Variants in ADGRG6 observed in about 807,000 individuals in gnomAD.
The protein encoded by ADGRG6 is G-protein coupled receptor 126.
In ADGRG6, 84 loss-of-function variants were observed where a neutral mutation model predicts 142.4. That is an observed-to-expected ratio of 0.59 (90% CI 0.49 to 0.71). The LOEUF (loss-of-function observed/expected upper bound fraction) is 0.71, where lower values mean the gene tolerates loss of function less well. ADGRG6 is among the 30% of genes least tolerant of loss of function. The probability of loss-of-function intolerance (pLI) is 0.00; values close to 1 mark genes in which losing one functional copy is unlikely to be tolerated. For synonymous variants in ADGRG6, 521 were observed against 520.5 expected (o/e 1.00, Z -0.01); for missense variants, 1,367 against 1,466.6 (o/e 0.93, Z 1.11).
intron 14 of ADGRG6, 89 bp downstream of exon 14, chr6:142,404,062 G>T (rs1562370314): frequency 4.1e-6 from 4 of 967,962 alleles, no homozygotes; most frequent in Non-Finnish European, 6.5e-6. Flanking sequence ...CTTCCAAGAG[G>T]TCTTGGTCCA....
intron 2 of ADGRG6, among the ~76,000 whole-genome samples, chr6:142,313,459 G>T (rs564026107): frequency 9.9e-5 from 15 of 152,216 alleles, no homozygotes; most frequent in African/African-American, 3.4e-4. Flanking sequence ...CACACAGATC[G>T]TCTTAGTCAT....
At chr6:142,382,064 T>C in intron 5 of ADGRG6, 45 bp downstream of exon 5, 1 of 1,190,876 alleles carries the variant, frequency 8.4e-7, no homozygotes, top group Non-Finnish European at 1.2e-6. Context: ...GCTTTCTACT[T>C]GCAATTTTGG....
intron 2 of ADGRG6, among the ~76,000 whole-genome samples, chr6:142,345,915 AAAGTT>A (rs1779876507): frequency 6.6e-6 from 1 of 152,214 alleles, no homozygotes; most frequent in East Asian, 1.9e-4. Flanking sequence ...CAAAGAATGT[AAAGTT>A]ATTTTAAGGA....
At chr6:142,309,261 G>T (rs1048487051) in intron 1 of ADGRG6, among the ~76,000 whole-genome samples, 1 of 151,672 alleles carries the variant, frequency 6.6e-6, no homozygotes, top group Non-Finnish European at 1.5e-5. Context: ...TTTTTGAATT[G>T]TCTGACTACC....
At chr6:142,360,610 G>T (rs1048560706) in intron 2 of ADGRG6, among the ~76,000 whole-genome samples, 2 of 151,858 alleles carry the variant, frequency 1.3e-5, no homozygotes, top group Non-Finnish European at 2.9e-5. Context: ...CAAAAGTCTG[G>T]TTTTCTCTCA....
At chr6:142,304,272 G>C (rs1777373978) in intron 1 of ADGRG6, among the ~76,000 whole-genome samples, 1 of 152,146 alleles carries the variant, frequency 6.6e-6, no homozygotes, top group Admixed American at 6.5e-5. Context: ...TCCTTGTGGA[G>C]AAAGTGTATT....
intron 11 of ADGRG6, among the ~76,000 whole-genome samples, chr6:142,401,716 T>C (rs1170716145): frequency 6.6e-6 from 1 of 151,542 alleles, no homozygotes; most frequent in African/African-American, 2.4e-5. Flanking sequence ...TAAGGAAGGG[T>C]GAGAAGAATG....
intron 2 of ADGRG6, among the ~76,000 whole-genome samples, chr6:142,358,735 T>C (rs915993186): frequency 2.0e-5 from 3 of 151,896 alleles, no homozygotes. Flanking sequence ...TGAAATCCCG[T>C]CTCCACTAAA....
intron 2 of ADGRG6, among the ~76,000 whole-genome samples, chr6:142,331,070 T>C (rs1779032672): frequency 6.6e-6 from 1 of 151,716 alleles, no homozygotes; most frequent in Non-Finnish European, 1.5e-5. Context: ...TCCTTTGGAG[T>C]TGAGGTCAGA....
intron 2 of ADGRG6, among the ~76,000 whole-genome samples, chr6:142,350,084 A>T (rs938430208): frequency 6.6e-6 from 1 of 152,198 alleles, no homozygotes; most frequent in African/African-American, 2.4e-5. Context: ...GGTAATTTTT[A>T]AAAATGATAC....
intron 4 of ADGRG6, among the ~76,000 whole-genome samples, chr6:142,376,701 G>A (rs1562349677): frequency 6.6e-6 from 1 of 151,994 alleles, no homozygotes; most frequent in Admixed American, 6.6e-5. Context: ...TTTTATCTTT[G>A]CAAAGGACTT....
chr6:142,311,816 C>T (rs908985659), intron 2 of ADGRG6, among the ~76,000 whole-genome samples: 2 of 151,862 alleles, frequency 1.3e-5, no homozygotes, highest in Non-Finnish European at 2.9e-5. Context: ...TTATAATAGG[C>T]CTTAAACTTT....
At chr6:142,412,090 C>G (rs1052491580) in intron 18 of ADGRG6, among the ~76,000 whole-genome samples, 2 of 152,156 alleles carry the variant, frequency 1.3e-5, no homozygotes, top group Non-Finnish European at 1.5e-5. Context: ...AATTAGATTG[C>G]GTCAATGTGT....
chr6:142,443,389 T>C lies in ADGRG6; in HGVS notation c.3627T>C (p.Asp1209=). 4.3e-6 allele frequency: 7 copies of C among 1,612,332 alleles called. No homozygotes were observed. The highest frequency in any genetic ancestry group is 5.9e-6 in the Non-Finnish European group (7 of 1,178,556). The change falls in exon 25 of 25, where the codon GAT becomes GAC. Residue 1209 remains aspartate, a synonymous_variant. Coordinates refer to ENST00000367609, the MANE Select transcript of ADGRG6 (RefSeq NM_198569.3). Reference sequence around the variant, plus strand: ...CAAAACTGGCCCATGCTGATGGAGATCAAACATCAATCATCCCTGTCCATC... The same window carrying C: ...CAAAACTGGCCCATGCTGATGGAGACCAAACATCAATCATCCCTGTCCATC... The part of the protein sequence containing the change: ...SLSKLAHADG[D]QTSIIPVHQV...
intron 2 of ADGRG6, among the ~76,000 whole-genome samples, chr6:142,353,244 TTTAAAATAAATTTTATTTTAC>T (rs1174519870): frequency 1.6e-4 from 25 of 152,318 alleles, no homozygotes; most frequent in African/African-American, 5.3e-4. Flanking sequence ...ATTTATTTTA[TTTAAAATAAATTTTATTTTAC>T]TTCTTTGCAT....
chr6:142,417,016 A>T (rs1235543862), intron 20 of ADGRG6: 2 of 486,452 alleles, frequency 4.1e-6, no homozygotes, highest in Admixed American at 6.5e-5. Flanking sequence ...CACTAAGCAA[A>T]CAGAATTTTA....
At chr6:142,372,402 T>TGCTCCATAAGG (rs1283234578) in intron 4 of ADGRG6, among the ~76,000 whole-genome samples, 1 of 152,200 alleles carries the variant, frequency 6.6e-6, no homozygotes, top group Non-Finnish European at 1.5e-5. Flanking sequence ...TCCCACGCTT[T>TGCTCCATAAGG]GAGCAAAGTA....
chr6:142,326,771 A>C (rs552805464), intron 2 of ADGRG6, among the ~76,000 whole-genome samples: 1 of 152,086 alleles, frequency 6.6e-6, no homozygotes, highest in African/African-American at 2.4e-5. Context: ...TCATGCAGTC[A>C]TGTTAAGTGA....
At chr6:142,367,459 G>A (rs1353877378) in intron 2 of ADGRG6, 110 bp from the exon 3 acceptor site, 1 of 658,226 alleles carries the variant, frequency 1.5e-6, no homozygotes. Context: ...TTGTATGTTG[G>A]TATTTTTAAA....
Sources: gnomAD v4.1 joint callset for allele counts (sites outside exome capture counted in the v4.1 genomes callset) on GRCh38, gnomAD v4.1.1 for gene constraint, MANE v1.5 for transcripts, NCBI Gene and HGNC (gene_info 2026-07-23, HGNC 2026-07-21) for gene names.